Variants in XRCC4 observed in about 807,000 individuals in gnomAD.
The protein encoded by XRCC4 is DNA repair protein XRCC4.
A neutral mutation model predicts 39.1 loss-of-function variants in XRCC4; 28 were observed. The observed-to-expected ratio is 0.72, with a 90% CI of 0.53 to 0.98. The LOEUF is 0.98. XRCC4 is among the 50% of genes least tolerant of loss of function. The pLI, the probability that XRCC4 is intolerant of heterozygous loss-of-function variation, is 0.00. For missense variants in XRCC4, 350 were observed against 376.4 expected (o/e 0.93, Z 0.58); for synonymous variants, 123 against 126.4 (o/e 0.97, Z 0.18).
intron 7 of XRCC4, among the ~76,000 whole-genome samples, chr5:83,341,452 AG>A (rs1756756544): frequency 6.6e-6 from 1 of 152,346 alleles, no homozygotes; most frequent in East Asian, 1.9e-4. Flanking sequence ...CCCAATTAAC[AG>A]AAATTTTAGT....
chr5:83,105,169 C>T (rs1746139823), intron 2 of XRCC4, 111 bp downstream of exon 2: 1 of 1,035,482 alleles, frequency 9.7e-7, no homozygotes, highest in Admixed American at 3.0e-5. Context: ...ATTTTACTTG[C>T]TATTGCTGTC....
intron 7 of XRCC4, among the ~76,000 whole-genome samples, chr5:83,341,333 T>C (rs1338735358): frequency 6.6e-6 from 1 of 152,054 alleles, no homozygotes; most frequent in East Asian, 1.9e-4. Flanking sequence ...TACACACACA[T>C]ACACACATAT....
At chr5:83,252,752 A>C (rs1753373915) in intron 6 of XRCC4, among the ~76,000 whole-genome samples, 1 of 152,168 alleles carries the variant, frequency 6.6e-6, no homozygotes. Flanking sequence ...TGGAGATCCA[A>C]ACCCAGGCAT....
intron 3 of XRCC4, among the ~76,000 whole-genome samples, chr5:83,131,135 CT>C: frequency 6.6e-6 from 1 of 152,292 alleles, no homozygotes; most frequent in Non-Finnish European, 1.5e-5. Context: ...CTACACATTA[CT>C]TTAAATGTGT....
intron 6 of XRCC4, among the ~76,000 whole-genome samples, chr5:83,253,074 G>A (rs1362187655): frequency 1.3e-5 from 2 of 152,280 alleles, no homozygotes; most frequent in Admixed American, 6.5e-5. Flanking sequence ...TACTAAACTA[G>A]GATGACTGAA....
intron 3 of XRCC4, among the ~76,000 whole-genome samples, chr5:83,117,805 G>C (rs978812363): frequency 6.6e-6 from 1 of 151,864 alleles, no homozygotes; most frequent in Non-Finnish European, 1.5e-5. Flanking sequence ...ATAGGTAGAC[G>C]TGTGCCATGG....
chr5:83,085,849 G>A (rs1285909937), intron 1 of XRCC4, among the ~76,000 whole-genome samples: 1 of 152,172 alleles, frequency 6.6e-6, no homozygotes, highest in African/African-American at 2.4e-5. Flanking sequence ...TGTCTCAGTA[G>A]AAAATCATAT....
intron 6 of XRCC4, among the ~76,000 whole-genome samples, chr5:83,246,160 C>G (rs529415672): frequency 6.6e-6 from 1 of 152,052 alleles, no homozygotes; most frequent in East Asian, 1.9e-4. Context: ...ATCTATGTAT[C>G]TATTCATCTG....
chr5:83,269,243 T>C (rs1754055726), intron 7 of XRCC4, among the ~76,000 whole-genome samples: 1 of 152,106 alleles, frequency 6.6e-6, no homozygotes. Flanking sequence ...CCTCTGCCTT[T>C]TATCTCCACC....
At chr5:83,141,064 AAC>A (rs1202401179) in intron 3 of XRCC4, among the ~76,000 whole-genome samples, 6 of 152,222 alleles carry the variant, frequency 3.9e-5, no homozygotes, top group African/African-American at 1.4e-4. Context: ...GTACGCTATA[AAC>A]ACAATTCTTT....
At chr5:83,099,648 T>A (rs1400664203) in intron 1 of XRCC4, among the ~76,000 whole-genome samples, 1 of 152,164 alleles carries the variant, frequency 6.6e-6, no homozygotes, top group Non-Finnish European at 1.5e-5. Context: ...GAACTCTCAA[T>A]AAAGCTACTG....
chr5:83,145,219 T>C (rs903288516), intron 3 of XRCC4, among the ~76,000 whole-genome samples: 1 of 152,194 alleles, frequency 6.6e-6, no homozygotes, highest in African/African-American at 2.4e-5. Context: ...AATCCTTAAT[T>C]ACAGTGATAA....
At chr5:83,113,898 T>G (rs1033379691) in intron 3 of XRCC4, among the ~76,000 whole-genome samples, 8 of 152,156 alleles carry the variant, frequency 5.3e-5, no homozygotes, top group Non-Finnish European at 1.2e-4. Flanking sequence ...AGTGCTGGGA[T>G]TACAGGCGTG....
chr5:83,219,774 A>G (rs1752009551), intron 6 of XRCC4, among the ~76,000 whole-genome samples: 1 of 152,220 alleles, frequency 6.6e-6, no homozygotes. Context: ...TCATTAATAA[A>G]TGTTTATATT....
At chr5:83,083,136 C>T (rs1326837921) in intron 1 of XRCC4, among the ~76,000 whole-genome samples, 1 of 152,102 alleles carries the variant, frequency 6.6e-6, no homozygotes, top group East Asian at 1.9e-4. Flanking sequence ...ATCTCCTCCA[C>T]CCTGTTTTAT....
At chr5:83,156,677 T>G (rs1382364) in intron 3 of XRCC4, among the ~76,000 whole-genome samples, 73,299 of 151,546 alleles carry the variant, frequency 0.48, 18,647 homozygotes, top group African/African-American at 0.63. Context: ...AATAGTTCAC[T>G]TGAGACTTTC....
rs182066321 is a variant in XRCC4 at position 83,228,004 on chromosome 5, G to A, written c.745+23083G>A. On this transcript the variant is annotated intron_variant, in intron 6 of 7. Transcript: ENST00000396027. Reference sequence around the variant, plus strand: ...CAAAAATGGTTTTCTTTAAGGGGAGGAGGAATGTCCTCTGGCTAGACTTGG... The same window carrying A: ...CAAAAATGGTTTTCTTTAAGGGGAGAAGGAATGTCCTCTGGCTAGACTTGG... Among the ~76,000 whole-genome samples, 448 of 152,072 alleles carry A rather than the reference G, an allele frequency of 2.9e-3. 3 individuals carry two copies. Among genetic ancestry groups the A allele is most frequent in the African/African-American group, 0.01 (432 of 41,516 alleles).
intron 7 of XRCC4, among the ~76,000 whole-genome samples, chr5:83,295,729 C>T (rs543511554): frequency 6.6e-6 from 1 of 151,974 alleles, no homozygotes; most frequent in Non-Finnish European, 1.5e-5. Flanking sequence ...CGCACACGCA[C>T]ACGCACAAAC....
chr5:83,364,828 T>C, the XRCC4 span, among the ~76,000 whole-genome samples: 1 of 152,224 alleles, frequency 6.6e-6, no homozygotes, highest in Non-Finnish European at 1.5e-5. Flanking sequence ...GATAAAAGCA[T>C]TCATGTGCAC....
Sources: allele counts gnomAD v4.1 joint callset (sites outside exome capture counted in the v4.1 genomes callset), GRCh38; gene constraint gnomAD v4.1.1; transcripts MANE v1.5; gene names NCBI Gene and HGNC (gene_info 2026-07-23, HGNC 2026-07-21).